The following TBC1D2B variants were observed in gnomAD, a reference collection of about 807,000 sequenced individuals.
The protein encoded by TBC1D2B is TBC1 domain family, member 2B.
TBC1D2B carries 64 observed loss-of-function variants against 100.8 expected under a neutral mutation model. That is an observed-to-expected ratio of 0.64 (90% confidence interval 0.52 to 0.78). The LOEUF (loss-of-function observed/expected upper bound fraction) is 0.78. Ranked by LOEUF, TBC1D2B falls within the 30% of genes least tolerant of loss-of-function variation. The probability of loss-of-function intolerance (pLI) is 0.00; values close to 1 mark genes in which losing one functional copy is unlikely to be tolerated. For missense variants in TBC1D2B, 1,052 were observed against 1,218.4 expected, an observed-to-expected ratio of 0.86 and a Z score of 2.03; for synonymous variants, 480 against 479.7, an observed-to-expected ratio of 1.00 and a Z score of -0.01.
At chr15:78,041,878 T>C (rs186055623) in intron 3 of TBC1D2B, among the ~76,000 whole-genome samples, 2 of 152,320 alleles carry the variant, frequency 1.3e-5, no homozygotes, top group Admixed American at 1.3e-4. Context: ...CCAGGGACTG[T>C]TCTAAGCAGT....
intron 1 of TBC1D2B, 145 bp downstream of exon 1, chr15:78,077,148 G>T: frequency 8.8e-7 from 1 of 1,135,090 alleles, no homozygotes; most frequent in Non-Finnish European, 1.2e-6. Flanking sequence ...AACGAGGGCG[G>T]GATGTGGAGA....
At chr15:78,019,739 AAAT>A (rs1334490768) in intron 6 of TBC1D2B, among the ~76,000 whole-genome samples, 1 of 152,068 alleles carries the variant, frequency 6.6e-6, no homozygotes, top group East Asian at 1.9e-4. Context: ...AATACAAAAA[AAAT>A]TTAGCCAGAC....
chr15:78,039,190 A>G (rs183707819), intron 3 of TBC1D2B, among the ~76,000 whole-genome samples: 227 of 152,352 alleles, frequency 1.5e-3, no homozygotes, highest in African/African-American at 5.1e-3. Flanking sequence ...TCCAACAAGG[A>G]AAATCACAAG....
At chr15:78,056,447 G>A (rs1456302023) in intron 1 of TBC1D2B, among the ~76,000 whole-genome samples, 1 of 152,242 alleles carries the variant, frequency 6.6e-6, no homozygotes, top group African/African-American at 2.4e-5. Context: ...GTTTGCATAG[G>A]AGGAGATTAG....
chr15:78,022,715 AT>A (rs60606952), intron 6 of TBC1D2B, among the ~76,000 whole-genome samples: 62 of 145,808 alleles, frequency 4.3e-4, no homozygotes, highest in Middle Eastern at 3.5e-3. Flanking sequence ...ATGCCTGGCC[AT>A]TTTTTTTTTT....
chr15:78,002,683 T>A (rs2071947318), intron 11 of TBC1D2B: 1 of 152,528 alleles, frequency 6.6e-6, no homozygotes, highest in African/African-American at 2.4e-5. Context: ...GCTCAAATGA[T>A]CCTCCTACCT....
chr15:78,046,682 A>G, intron 2 of TBC1D2B, among the ~76,000 whole-genome samples: 1 of 151,926 alleles, frequency 6.6e-6, no homozygotes, highest in Non-Finnish European at 1.5e-5. Context: ...ATATTGCCCA[A>G]ACTAGTCTTG....
intron 3 of TBC1D2B, among the ~76,000 whole-genome samples, chr15:78,032,645 A>C (rs1286401819): frequency 6.6e-6 from 1 of 151,734 alleles, no homozygotes; most frequent in Non-Finnish European, 1.5e-5. Flanking sequence ...AAAAAGAATA[A>C]ACATCTTAGA....
At chr15:78,061,934 C>T (rs4886998) in intron 1 of TBC1D2B, among the ~76,000 whole-genome samples, 135,197 of 152,146 alleles carry the variant, frequency 0.89, 60,773 homozygotes, top group East Asian at 0.99. Context: ...GAAATTCACA[C>T]GGGAAGGTTT....
chr15:78,016,254 T>C (rs767854696), intron 8 of TBC1D2B, among the ~76,000 whole-genome samples: 19 of 152,280 alleles, frequency 1.2e-4, no homozygotes, highest in African/African-American at 3.1e-4. Flanking sequence ...AGAAGGTTCC[T>C]ATTCCTTGGA....
At position 77,997,527 on chromosome 15, in the gene TBC1D2B, T is replaced by C. The variant is rs1297954779; in HGVS notation, c.*633A>G. 6.6e-6 allele frequency: 1 copy of C among 152,276 alleles called. No individual in the cohort carries two copies. Among genetic ancestry groups the C allele is most frequent in the Non-Finnish European group, 1.5e-5 (1 of 68,064 alleles). 9.4% of individuals were successfully genotyped at this position (152,276 alleles called of 1,614,324 possible). A position where few individuals can be genotyped will look rare whatever the true frequency, so the allele number is the denominator to read the frequency against. On this transcript the variant is annotated 3_prime_UTR_variant, in exon 13 of 13. Coordinates refer to ENST00000300584, the MANE Select transcript of TBC1D2B (RefSeq NM_144572.2). ...CCCCATGCAGGCTGGAAGACACTGA[T>C]GGAAGGGTTGCGTGTGGAAGAGCAA...
chr15:78,002,168 C>T (rs1042483601), intron 11 of TBC1D2B, among the ~76,000 whole-genome samples: 2 of 152,098 alleles, frequency 1.3e-5, no homozygotes, highest in Non-Finnish European at 2.9e-5. Flanking sequence ...TTGAAGATAG[C>T]GAAGGAGTTT....
intron 1 of TBC1D2B, among the ~76,000 whole-genome samples, chr15:78,056,736 G>C (rs1287075404): frequency 1.5e-5 from 2 of 137,180 alleles, no homozygotes; most frequent in Non-Finnish European, 3.0e-5. Flanking sequence ...GGGGACAGAG[G>C]CCCAGAAAGG....
At chr15:78,070,941 G>A (rs553362625) in intron 1 of TBC1D2B, among the ~76,000 whole-genome samples, 2 of 152,330 alleles carry the variant, frequency 1.3e-5, no homozygotes, top group South Asian at 4.1e-4. Context: ...TCCTGCCTCA[G>A]CCTCCCAAGC....
chr15:78,063,944 G>C (rs1029632278), intron 1 of TBC1D2B, among the ~76,000 whole-genome samples: 1 of 151,848 alleles, frequency 6.6e-6, no homozygotes, highest in Non-Finnish European at 1.5e-5. Flanking sequence ...TTCCTAACTG[G>C]ACTTGCTGTC....
At chr15:78,026,925 CGGGAATACCGTCA>C (rs961644138) in intron 4 of TBC1D2B, among the ~76,000 whole-genome samples, 4 of 149,988 alleles carry the variant, frequency 2.7e-5, no homozygotes, top group Admixed American at 1.3e-4. Flanking sequence ...AAAGAGTATT[CGGGAATACCGTCA>C]GGCCAGGCAC....
At chr15:78,039,863 G>A (rs1274729302) in intron 3 of TBC1D2B, among the ~76,000 whole-genome samples, 1 of 152,054 alleles carries the variant, frequency 6.6e-6, no homozygotes, top group African/African-American at 2.4e-5. Flanking sequence ...TAAGTAGCAG[G>A]ACTGGGATTC....
At chr15:78,014,949 C>A (rs1465693005) in intron 8 of TBC1D2B, among the ~76,000 whole-genome samples, 1 of 152,174 alleles carries the variant, frequency 6.6e-6, no homozygotes, top group Non-Finnish European at 1.5e-5. Context: ...CACCGGTAAT[C>A]CCAGCACTTT....
intron 1 of TBC1D2B, among the ~76,000 whole-genome samples, chr15:78,059,661 A>G (rs192682322): frequency 1.6e-3 from 251 of 152,184 alleles, no homozygotes; most frequent in African/African-American, 5.6e-3. Context: ...AGCTGCTCCC[A>G]CAAGCTGCTG....
Sources: allele counts gnomAD v4.1 joint callset (sites outside exome capture counted in the v4.1 genomes callset), GRCh38; gene constraint gnomAD v4.1.1; transcripts MANE v1.5; gene names NCBI Gene and HGNC (gene_info 2026-07-23, HGNC 2026-07-21).